Variants in WWOX observed in about 807,000 individuals in gnomAD.
WWOX encodes the protein WW domain containing oxidoreductase.
In WWOX, 69 loss-of-function variants were observed where a neutral mutation model predicts 46.2. The ratio of observed to expected loss-of-function variants is 1.49; its 90% CI spans 1.23 to 1.82. The LOEUF is 1.82. Ranked by LOEUF, WWOX falls within the 40% of genes most tolerant of loss-of-function variation. The pLI is 0.00. For synonymous variants in WWOX, 359 were observed against 202.6 expected (o/e 1.77, Z -6.56); for missense variants, 919 against 542.6 (o/e 1.69, Z -6.89).
rs149225674 is a variant in WWOX, at chr16:78,595,528, A to G, written c.1056+162776A>G. Among the ~76,000 whole-genome samples, 98 of 152,292 alleles carry G rather than the reference A, an allele frequency of 6.4e-4. No homozygotes were observed. The East Asian group carries it at 0.017, about 27-fold the overall frequency. ...GCTATGTACAAGACCACATCTCTCAATGGTGAGGTCCTCAATCTCTCCCTC... is the reference window on the plus strand; with the variant it reads ...GCTATGTACAAGACCACATCTCTCAGTGGTGAGGTCCTCAATCTCTCCCTC... On this transcript the variant is annotated intron_variant, in intron 8 of 8. Coordinates refer to ENST00000566780, the MANE Select transcript of WWOX (RefSeq NM_016373.4).
chr16:78,850,108 G>C (rs564554891), intron 8 of WWOX, among the ~76,000 whole-genome samples: 167 of 152,020 alleles, frequency 1.1e-3, no homozygotes, highest in African/African-American at 3.9e-3. Flanking sequence ...TGAGAATTTG[G>C]CTTTTAGTCT....
intron 8 of WWOX, among the ~76,000 whole-genome samples, chr16:78,953,138 C>A (rs746896278): frequency 3.2e-4 from 49 of 152,126 alleles, no homozygotes; most frequent in Non-Finnish European, 4.0e-4. Flanking sequence ...GATAATCTGA[C>A]CTCCTAAGTT....
At chr16:79,001,521 C>T (rs574367823) in intron 8 of WWOX, among the ~76,000 whole-genome samples, 8 of 152,134 alleles carry the variant, frequency 5.3e-5, no homozygotes, top group Middle Eastern at 3.4e-3. Context: ...GAAATTAAGT[C>T]GAAGTACATT....
rs529571199 is a variant in WWOX at position 79,021,069 on chromosome 16, T to G, written c.1057-190539T>G. Among the ~76,000 whole-genome samples the G allele has an allele frequency of 2.4e-4, 36 of 152,322 alleles. No homozygotes were observed. The South Asian group carries it at 2.5e-3, about 11-fold the overall frequency. On this transcript the variant is annotated intron_variant, in intron 8 of 8. Coordinates refer to ENST00000566780, the MANE Select transcript of WWOX (RefSeq NM_016373.4). The stretch of plus-strand genomic sequence containing the variant: ...TTCAGGGAGAGCAAGAGATGTTCAT[T>G]TACCTCATTCAAAATGGAATCTTTA...
intron 8 of WWOX, among the ~76,000 whole-genome samples, chr16:79,198,338 AAAGAG>A (rs2051281436): frequency 1.3e-5 from 2 of 152,184 alleles, no homozygotes; most frequent in Non-Finnish European, 2.9e-5. Context: ...TGTCTCAAAA[AAAGAG>A]AAAAGTAAAG....
At chr16:78,671,546 C>G (rs895786140) in intron 8 of WWOX, among the ~76,000 whole-genome samples, 1 of 152,094 alleles carries the variant, frequency 6.6e-6, no homozygotes, top group Non-Finnish European at 1.5e-5. Context: ...CAACCCTGCC[C>G]CTTCTAGTTT....
chr16:78,654,881 T>G (rs1555510934), intron 8 of WWOX, among the ~76,000 whole-genome samples: 1 of 152,018 alleles, frequency 6.6e-6, no homozygotes, highest in Non-Finnish European at 1.5e-5. Context: ...TTTTTCTTGG[T>G]GGGGGGGATG....
At chr16:78,946,222 G>A (rs185727411) in intron 8 of WWOX, among the ~76,000 whole-genome samples, 1 of 151,942 alleles carries the variant, frequency 6.6e-6, no homozygotes, top group Non-Finnish European at 1.5e-5. Flanking sequence ...ACTGAGTCTT[G>A]CTCTGTCGCC....
At chr16:78,379,744 C>G (rs961115870) in intron 5 of WWOX, among the ~76,000 whole-genome samples, 12 of 152,144 alleles carry the variant, frequency 7.9e-5, no homozygotes, top group Non-Finnish European at 1.8e-4. Flanking sequence ...CCAGCTAATT[C>G]CTAGGCAATC....
Position 78,099,673 on chromosome 16 carries a change from G to T in WWOX, c.-106G>T. The T allele has an allele frequency of 2.2e-6, 3 of 1,382,098 alleles. No homozygotes were observed. The highest frequency in any genetic ancestry group is 1.5e-5 in the South Asian group (1 of 64,730). 85.6% of individuals were successfully genotyped at this position (1,382,098 alleles called of 1,614,324 possible). On this transcript the variant is annotated 5_prime_UTR_variant, in exon 1 of 9. Coordinates refer to ENST00000566780, the MANE Select transcript of WWOX (RefSeq NM_016373.4). ...GAGGGCGCAGTGCGCAGGCGTGAGC[G>T]GTCGGGCCCCGACGCGCGCGGGTCT...
intron 5 of WWOX, among the ~76,000 whole-genome samples, chr16:78,374,122 T>C (rs1244595304): frequency 6.6e-6 from 1 of 152,228 alleles, no homozygotes; most frequent in African/African-American, 2.4e-5. Flanking sequence ...AATTTCTTTT[T>C]ATCTGAGTTA....
chr16:78,879,877 CAA>C (rs11433743), intron 8 of WWOX, among the ~76,000 whole-genome samples: 1 of 145,836 alleles, frequency 6.9e-6, no homozygotes, highest in African/African-American at 2.5e-5. Flanking sequence ...AACTCTGTCT[CAA>C]AAAAAAAAAA....
intron 8 of WWOX, among the ~76,000 whole-genome samples, chr16:78,870,222 T>G (rs1394149585): frequency 6.6e-6 from 1 of 152,234 alleles, no homozygotes; most frequent in East Asian, 1.9e-4. Context: ...ATTCTGTTGA[T>G]ACACATTCAG....
chr16:78,763,483 G>A (rs745823299), intron 8 of WWOX, among the ~76,000 whole-genome samples: 1 of 152,180 alleles, frequency 6.6e-6, no homozygotes. Context: ...TGGGATAGAG[G>A]CACTTTTTGG....
At chr16:78,215,744 A>G (rs1417827214) in intron 5 of WWOX, among the ~76,000 whole-genome samples, 3 of 152,052 alleles carry the variant, frequency 2.0e-5, no homozygotes, top group Non-Finnish European at 4.4e-5. Context: ...CCTGGCCAAC[A>G]TGGTGAAACC....
chr16:78,737,044 G>A (rs957800426), intron 8 of WWOX, among the ~76,000 whole-genome samples: 1 of 151,942 alleles, frequency 6.6e-6, no homozygotes, highest in Admixed American at 6.6e-5. Flanking sequence ...CATTTAGTGG[G>A]TTATATGTCT....
chr16:78,110,598 C>G (rs1181360520), intron 3 of WWOX, among the ~76,000 whole-genome samples: 1 of 152,172 alleles, frequency 6.6e-6, no homozygotes, highest in Non-Finnish European at 1.5e-5. Context: ...ATCTGTAAGA[C>G]TTTTTCACCT....
chr16:78,449,297 C>A (rs765901322), intron 8 of WWOX, among the ~76,000 whole-genome samples: 2 of 152,112 alleles, frequency 1.3e-5, no homozygotes, highest in East Asian at 1.9e-4. Flanking sequence ...TGTAATGTAA[C>A]CACGGAAGTG....
chr16:78,519,038 G>C (rs1182355303), intron 8 of WWOX, among the ~76,000 whole-genome samples: 2 of 152,172 alleles, frequency 1.3e-5, no homozygotes, highest in Admixed American at 6.5e-5. Flanking sequence ...TTGTTTAGCT[G>C]TTTTTCTAAT....
Sources: gnomAD v4.1 joint callset for allele counts (sites outside exome capture counted in the v4.1 genomes callset) on GRCh38, gnomAD v4.1.1 for gene constraint, MANE v1.5 for transcripts, NCBI Gene and HGNC (gene_info 2026-07-23, HGNC 2026-07-21) for gene names.